Variants in TENM1 observed in about 807,000 individuals in gnomAD.
TENM1 encodes the protein teneurin transmembrane protein 1, also known as teneurin-1.
A neutral mutation model predicts 174.8 loss-of-function variants in TENM1; 35 were observed. The ratio of observed to expected loss-of-function variants is 0.20; its 90% CI spans 0.15 to 0.27. TENM1 has a LOEUF of 0.27. Ranked by LOEUF, TENM1 falls within the 10% of genes least tolerant of loss-of-function variation. TENM1 has a pLI of 1.00. For missense variants in TENM1, 1,633 were observed against 2,130.1 expected, an observed-to-expected ratio of 0.77 and a Z score of 4.59; for synonymous variants, 781 against 798.7, an observed-to-expected ratio of 0.98 and a Z score of 0.37.
intron 11 of TENM1, among the ~76,000 whole-genome samples, chrX:124,583,306 C>A: frequency 9.0e-6 from 1 of 111,454 alleles, no homozygotes; most frequent in Non-Finnish European, 1.9e-5. Flanking sequence ...AGACTGACAT[C>A]TCACACGGCC....
rs144441121 is a variant in TENM1, at chrX:124,420,483, G to T, written c.4810C>A (p.Pro1604Thr). 49 of 1,210,902 alleles carry T rather than the reference G, an allele frequency of 4.0e-5. No homozygotes were observed. The highest frequency in any genetic ancestry group is 5.2e-5 in the Non-Finnish European group (47 of 895,495). ...CCGCCAGGCACCACAAGCCATAGCGGCATTCCGCCTGCATCACGGCGAATG... is the reference window on the plus strand; with the variant it reads ...CCGCCAGGCACCACAAGCCATAGCGTCATTCCGCCTGCATCACGGCGAATG... Residue 1604 changes from proline (P) to threonine (T), a missense_variant, in exon 25 of 32, where the codon CCG becomes ACG. By Grantham distance (38) the Pro-to-Thr change is conservative. Around this residue, in one of 4 missense-constraint regions of TENM1, gnomAD observed 807 missense variants for 1,125.3 expected, o/e 0.72. Transcript: ENST00000422452.
intron 29 of TENM1, 50 bp from the exon 33 acceptor site, chrX:124,384,904 A>C: frequency 9.1e-7 from 1 of 1,100,172 alleles, no homozygotes. Context: ...TCAATGTGGA[A>C]GAGTCAGAAA....
At chrX:124,663,316 T>C (rs148069789) in intron 6 of TENM1, among the ~76,000 whole-genome samples, 1,418 of 111,971 alleles carry the variant, frequency 0.013, 15 homozygotes, top group Middle Eastern at 0.051. Flanking sequence ...GAATGTGTGA[T>C]TATCATCTAG....
At chrX:124,470,929 T>C (rs2061292688) in intron 22 of TENM1, among the ~76,000 whole-genome samples, 1 of 108,096 alleles carries the variant, frequency 9.3e-6, no homozygotes, top group South Asian at 3.9e-4. Flanking sequence ...ATACAAAAGT[T>C]GCACTTTATT....
At chrX:125,112,134 TTGTG>T in the TENM1 span, among the ~76,000 whole-genome samples, 6,348 of 92,265 alleles carry the variant, frequency 0.069, 440 homozygotes, top group African/African-American at 0.2. Flanking sequence ...TTTAATGAAA[TTGTG>T]TGTGTGTGTG....
intron 27 of TENM1, among the ~76,000 whole-genome samples, chrX:124,396,450 C>T (rs1335212282): frequency 9.1e-6 from 1 of 109,354 alleles, no homozygotes; most frequent in Non-Finnish European, 1.9e-5. Flanking sequence ...TACAGGTGCC[C>T]GCCACCACGC....
At chrX:124,398,121 G>A (rs1302248921) in intron 27 of TENM1, among the ~76,000 whole-genome samples, 11 of 108,379 alleles carry the variant, frequency 1.0e-4, no homozygotes, top group Non-Finnish European at 7.7e-5. Context: ...CCAGCTACTC[G>A]GAAGGCTGAG....
At chrX:125,051,457 C>T in the TENM1 span, among the ~76,000 whole-genome samples, 1 of 110,976 alleles carries the variant, frequency 9.0e-6, no homozygotes, top group Non-Finnish European at 1.9e-5. Context: ...TACAAGGCTA[C>T]AGTAACCAAA....
At position 124,566,362 on chromosome X, in the gene TENM1, A is replaced by C. The variant is rs2048942202; in HGVS notation, c.2078-802T>G. Among the ~76,000 whole-genome samples the C allele has an allele frequency of 2.7e-5, 3 of 112,321 alleles. No individual in the cohort carries two copies. In the South Asian group the frequency reaches 1.1e-3, roughly 41 times the overall value. On this transcript the variant is annotated intron_variant, in intron 11 of 31. Coordinates refer to ENST00000422452, the Ensembl canonical transcript of TENM1. ...AGACAGTATAATAATGATGATGTGT[A>C]CTGGCTCTGCTGAGTTTCTTTCCTT...
At chrX:124,768,231 G>A (rs2054575937) in intron 3 of TENM1, among the ~76,000 whole-genome samples, 1 of 112,261 alleles carries the variant, frequency 8.9e-6, no homozygotes, top group African/African-American at 3.2e-5. Context: ...GGACTCTACT[G>A]TTGTGTATCT....
At chrX:124,662,957 G>A (rs769950248) in intron 6 of TENM1, among the ~76,000 whole-genome samples, 5 of 111,623 alleles carry the variant, frequency 4.5e-5, no homozygotes, top group African/African-American at 1.6e-4. Flanking sequence ...ACAGTACTTA[G>A]TACAGTTAAA....
At chrX:125,135,167 T>G in the TENM1 span, among the ~76,000 whole-genome samples, 1 of 70,459 alleles carries the variant, frequency 1.4e-5, no homozygotes, top group Non-Finnish European at 2.6e-5. Context: ...TGCAAAATGT[T>G]TTTTTATCAC....
At chrX:125,121,331 A>G in the TENM1 span, among the ~76,000 whole-genome samples, 1 of 111,664 alleles carries the variant, frequency 9.0e-6, no homozygotes, top group Non-Finnish European at 1.9e-5. Flanking sequence ...TAGGGGCCAC[A>G]TGTTTATCAC....
chrX:124,961,120 A>G lies in TENM1; in HGVS notation c.217+2417T>C, dbSNP rs2058646230. On this transcript the variant is annotated intron_variant, in intron 1 of 31. Coordinates refer to ENST00000422452, the Ensembl canonical transcript of TENM1. Reference sequence around the variant, plus strand: ...AATGTAAGATTCCAGTACTAATTAGAGTACTGTAATTTTCATTTGTAATAA... The same window carrying G: ...AATGTAAGATTCCAGTACTAATTAGGGTACTGTAATTTTCATTTGTAATAA... Among the ~76,000 whole-genome samples the G allele has an allele frequency of 4.5e-5, 5 of 112,185 alleles. No individual in the cohort carries two copies. In the South Asian group the frequency reaches 1.8e-3, roughly 41 times the overall value.
intron 3 of TENM1, among the ~76,000 whole-genome samples, chrX:124,863,420 A>T (rs1231491026): frequency 9.0e-6 from 1 of 111,063 alleles, no homozygotes; most frequent in African/African-American, 3.3e-5. Flanking sequence ...GCCAGGCAGT[A>T]TTCACAAAAA....
chrX:124,859,936 C>T (rs965988477), intron 3 of TENM1, among the ~76,000 whole-genome samples: 1 of 111,887 alleles, frequency 8.9e-6, no homozygotes, highest in East Asian at 2.8e-4. Flanking sequence ...TTTGATGAAA[C>T]AAAAACCACA....
Position 124,811,615 on chromosome X carries a change from A to C in TENM1, c.536-74418T>G, listed in dbSNP as rs750637581. ...ATGAAAACCAGTATGGAGATTTCTC[A>C]AAAAATTAAAAATAAGACTGTCATA... On this transcript the variant is annotated intron_variant, in intron 3 of 31. Coordinates refer to ENST00000422452, the Ensembl canonical transcript of TENM1. Among the ~76,000 whole-genome samples, 5 of 111,856 alleles carry C rather than the reference A, an allele frequency of 4.5e-5. 1 individual carries two copies. In the South Asian group the frequency reaches 1.9e-3, roughly 41 times the overall value.
intron 11 of TENM1, among the ~76,000 whole-genome samples, chrX:124,593,697 C>T (rs1934614785): frequency 8.9e-6 from 1 of 111,861 alleles, no homozygotes; most frequent in Admixed American, 9.4e-5. Context: ...TCTGCTGCAC[C>T]ATGACCTCAG....
At chrX:124,633,050 T>C (rs935726400) in intron 11 of TENM1, among the ~76,000 whole-genome samples, 1 of 112,317 alleles carries the variant, frequency 8.9e-6, no homozygotes, top group Non-Finnish European at 1.9e-5. Context: ...GGATCTCTCA[T>C]ATACAGGGAC....
Sources: gnomAD v4.1 joint callset for allele counts (sites outside exome capture counted in the v4.1 genomes callset) on GRCh38, gnomAD v4.1.1 for gene constraint, gnomAD v4.1.1 regional missense constraint, MANE v1.5 for transcripts, NCBI Gene and HGNC (gene_info 2026-07-23, HGNC 2026-07-21) for gene names.